Variants in IFT140 observed in about 807,000 individuals in gnomAD.
IFT140 encodes the protein intraflagellar transport protein 140 homolog.
Under a neutral mutation model 164.6 loss-of-function variants are expected in IFT140, and 133 were observed. The ratio of observed to expected loss-of-function variants is 0.81; its 90% confidence interval spans 0.70 to 0.93. The LOEUF is 0.93. Ranked by LOEUF, IFT140 falls within the 40% of genes least tolerant of loss-of-function variation. The pLI is 0.00. For synonymous variants in IFT140, 860 were observed against 817.3 expected (o/e 1.05, Z -0.89); for missense variants, 2,045 against 1,972.3 (o/e 1.04, Z -0.70).
intron 18 of IFT140, 146 bp from the exon 19 acceptor site, chr16:1,558,280 C>T: frequency 1.3e-6 from 1 of 776,146 alleles, no homozygotes; most frequent in Non-Finnish European, 2.1e-6. Context: ...CCAGTCCCTG[C>T]CAGATGCCCT....
At chr16:1,597,827 G>A (rs535275380) in intron 4 of IFT140, among the ~76,000 whole-genome samples, 43 of 152,252 alleles carry the variant, frequency 2.8e-4, no homozygotes, top group African/African-American at 1.0e-3. Context: ...TTGCTATGTT[G>A]CCCAGGCTAG....
chr16:1,605,201 C>T (rs1003364577), intron 3 of IFT140, among the ~76,000 whole-genome samples: 4 of 152,034 alleles, frequency 2.6e-5, no homozygotes, highest in Non-Finnish European at 5.9e-5. Flanking sequence ...CCATGGAGGC[C>T]GGGCAGGGAA....
At chr16:1,532,740 C>G (rs1474514282) in intron 19 of IFT140, 1 of 152,282 alleles carries the variant, frequency 6.6e-6, no homozygotes, top group Non-Finnish European at 1.5e-5. Context: ...GGTTTCGGGT[C>G]TCTGGAGATG....
chr16:1,515,241 T>G (rs2040303343), intron 30 of IFT140, among the ~76,000 whole-genome samples: 3 of 152,100 alleles, frequency 2.0e-5, no homozygotes, highest in African/African-American at 7.2e-5. Context: ...ATCGCACTGC[T>G]GAAACACAAA....
rs754001291 is a variant in IFT140, at chr16:1,584,310, G to C, written c.1266C>G (p.Val422=). The C allele has an allele frequency of 6.2e-7, 1 of 1,613,788 alleles. No individual in the cohort carries two copies. Among genetic ancestry groups the C allele is most frequent in the South Asian group, 1.1e-5 (1 of 91,042 alleles). Residue 422 remains valine (V), a synonymous_variant, in exon 11 of 31, where the codon GTC becomes GTG. Transcript: ENST00000426508. ...AGCACACATTCAGCAGACTCGGGGAGACCTGCATGGCGGCCACTTGCTGGT... is the reference window on the plus strand; with the variant it reads ...AGCACACATTCAGCAGACTCGGGGACACCTGCATGGCGGCCACTTGCTGGT... ...HFHQQVAAMQ[V]SPSLLNVCFL...
intron 4 of IFT140, among the ~76,000 whole-genome samples, chr16:1,593,398 G>A (rs1379414827): frequency 3.3e-5 from 5 of 150,676 alleles, no homozygotes; most frequent in Non-Finnish European, 5.9e-5. Flanking sequence ...TGCAACCTCC[G>A]CCTCCTGGGT....
rs1412979608 is a variant in IFT140, at chr16:1,520,262, T to C, written c.3742A>G (p.Ile1248Val). ...GACTGCAGGTAGTTAGCAGCCATGATGTAGATTTCCTTCTGCCTGGACACG... is the reference window on the plus strand; with the variant it reads ...GACTGCAGGTAGTTAGCAGCCATGACGTAGATTTCCTTCTGCCTGGACACG... ...ASVSRQKEIY[I>V]MAANYLQSLD... The change falls in exon 28 of 31, where the codon ATC becomes GTC. Residue 1248 changes from isoleucine to valine, a missense_variant. Physicochemically the swap from Ile to Val is conservative, Grantham distance 29 (BLOSUM62 3). Transcript: ENST00000426508. The C allele has an allele frequency of 6.2e-7, 1 of 1,614,092 alleles. No individual in the cohort carries two copies. Among genetic ancestry groups the C allele is most frequent in the African/African-American group, 1.3e-5 (1 of 74,940 alleles).
chr16:1,567,078 C>T (rs987091516), intron 15 of IFT140, among the ~76,000 whole-genome samples: 1 of 152,116 alleles, frequency 6.6e-6, no homozygotes, highest in African/African-American at 2.4e-5. Flanking sequence ...ATCTCCTCAC[C>T]CAGTTTCCTT....
chr16:1,556,343 C>G (rs956585040), intron 19 of IFT140, among the ~76,000 whole-genome samples: 2 of 152,258 alleles, frequency 1.3e-5, no homozygotes, highest in African/African-American at 4.8e-5. Context: ...TGCCTGGCCA[C>G]ACTACAACCA....
At chr16:1,600,449 T>C (rs1403233994) in intron 4 of IFT140, among the ~76,000 whole-genome samples, 1 of 87,108 alleles carries the variant, frequency 1.1e-5, no homozygotes, top group Admixed American at 1.2e-4. Flanking sequence ...GAATTATCAA[T>C]AAAAAAATAA....
chr16:1,598,132 T>TA lies in IFT140; in HGVS notation c.369+4237dup, dbSNP rs568424214. On this transcript the variant is annotated intron_variant, in intron 4 of 30. Coordinates refer to ENST00000426508, the MANE Select transcript of IFT140 (RefSeq NM_014714.4). ...CATCCAGAAGAAGGGAACAACCTGA[T>TA]AAAAAAAAAACTTGGCGAATAATAT... 1.6e-3 allele frequency among the ~76,000 whole-genome samples: 234 copies of TA among 148,786 alleles called. 3 individuals are homozygous for TA. The highest frequency in any genetic ancestry group is 3.0e-3 in the South Asian group (14 of 4,688).
chr16:1,540,088 G>C (rs567215218), intron 19 of IFT140, among the ~76,000 whole-genome samples: 10 of 152,332 alleles, frequency 6.6e-5, no homozygotes, highest in African/African-American at 2.4e-4. Flanking sequence ...CAGTGGCGAG[G>C]AGCAGTGTGC....
chr16:1,559,607 CT>C (rs1391979893), intron 18 of IFT140, among the ~76,000 whole-genome samples: 1 of 152,220 alleles, frequency 6.6e-6, no homozygotes, highest in Non-Finnish European at 1.5e-5. Flanking sequence ...AAACTAAGTA[CT>C]TCCTGTGTCC....
chr16:1,510,707 A>C lies in IFT140; in HGVS notation c.*237T>G. On this transcript the variant is annotated 3_prime_UTR_variant, in exon 31 of 31. Coordinates refer to ENST00000426508, the MANE Select transcript of IFT140 (RefSeq NM_014714.4). ...GGTGAACCCGACTCCCTTCAAAGGA[A>C]TGAATCCAAAAATCTAGTGGAGCTG... The C allele has an allele frequency of 1.7e-6, 1 of 588,184 alleles. No homozygotes were observed. 36.4% of individuals were successfully genotyped at this position (588,184 alleles called of 1,614,324 possible).
At position 1,520,250 on chromosome 16, in the gene IFT140, T is replaced by C; in HGVS notation, c.3754A>G (p.Asn1252Asp). The C allele has an allele frequency of 1.2e-6, 2 of 1,614,214 alleles. No individual in the cohort carries two copies. Among genetic ancestry groups the C allele is most frequent in the Non-Finnish European group, 1.7e-6 (2 of 1,180,018 alleles). ...CGCCAGTCCAGGGACTGCAGGTAGTTAGCAGCCATGATGTAGATTTCCTTC... is the reference window on the plus strand; with the variant it reads ...CGCCAGTCCAGGGACTGCAGGTAGTCAGCAGCCATGATGTAGATTTCCTTC... ...RQKEIYIMAA[N>D]YLQSLDWRKE... Residue 1252 changes from asparagine (N) to aspartate (D), a missense_variant, in exon 28 of 31, where the codon AAC (asparagine) becomes GAC (aspartate). By Grantham distance (23) the Asn-to-Asp change is conservative (BLOSUM62 1). Coordinates refer to ENST00000426508, the MANE Select transcript of IFT140 (RefSeq NM_014714.4).
Position 1,526,435 on chromosome 16 carries a change from G to T in IFT140, c.2577+184C>A, listed in dbSNP as rs115039155. ...CACACACCCTGGAGAGCCGGCGGTCGCCTAGCCTCCACCCACCTCACCTCC... is the reference window on the plus strand; with the variant it reads ...CACACACCCTGGAGAGCCGGCGGTCTCCTAGCCTCCACCCACCTCACCTCC... On this transcript the variant is annotated intron_variant, in intron 20 of 30. Transcript: ENST00000426508. 1.8e-5 allele frequency: 12 copies of T among 682,454 alleles called. No homozygotes were observed. The African/African-American group carries it at 2.0e-4, about 11-fold the overall frequency. 42.3% of individuals were successfully genotyped at this position (682,454 alleles called of 1,614,324 possible).
chr16:1,609,694 T>G (rs911802386), intron 2 of IFT140, among the ~76,000 whole-genome samples: 20 of 152,246 alleles, frequency 1.3e-4, no homozygotes, highest in Non-Finnish European at 2.9e-5. Flanking sequence ...ATTAATATAA[T>G]TGTTCATAGT....
intron 30 of IFT140, among the ~76,000 whole-genome samples, chr16:1,513,581 G>A (rs7189700): frequency 0.21 from 32,672 of 152,012 alleles, 4,223 homozygotes; most frequent in African/African-American, 0.36. Context: ...TAATGACGAC[G>A]GACACATGGA....
At chr16:1,545,274 C>T (rs1457963061) in intron 19 of IFT140, among the ~76,000 whole-genome samples, 1 of 151,906 alleles carries the variant, frequency 6.6e-6, no homozygotes, top group Non-Finnish European at 1.5e-5. Flanking sequence ...TCAACAACCG[C>T]CAGAACGGCA....
Sources: allele counts gnomAD v4.1 joint callset (sites outside exome capture counted in the v4.1 genomes callset), GRCh38; gene constraint gnomAD v4.1.1; transcripts MANE v1.5; gene names NCBI Gene and HGNC (gene_info 2026-07-23, HGNC 2026-07-21).